INPP1: variants seen among roughly 807,000 people sequenced by gnomAD.
The protein encoded by INPP1 is inositol polyphosphate 1-phosphatase.
In INPP1, 18 loss-of-function variants were observed where a neutral mutation model predicts 23.0. The ratio of observed to expected loss-of-function variants is 0.78; its 90% CI spans 0.54 to 1.16. The LOEUF is 1.16. Among genes scored for constraint, INPP1 ranks in the 50% most tolerant of loss-of-function variants. The probability of loss-of-function intolerance (pLI) is 0.00; values close to 1 mark genes in which losing one functional copy is unlikely to be tolerated. For synonymous variants in INPP1, 164 were observed against 176.3 expected (o/e 0.93, Z 0.55); for missense variants, 448 against 482.1 (o/e 0.93, Z 0.66).
In INPP1 at chr2:190,367,610, C is replaced by T. The variant is rs1689706537; in HGVS notation, c.466+715C>T. The stretch of plus-strand genomic sequence containing the variant: ...GCACACAGGCTGGAGTGCAGTGGCA[C>T]AGTCAGAACTCACTCACTGCAGCCT... On this transcript the variant is annotated intron_variant, in intron 5 of 6. Coordinates refer to ENST00000392329, the MANE Select transcript of INPP1 (RefSeq NM_001128928.2). This position sits in a 1 kb window ranked among gnomAD's most constrained non-coding sequence, Gnocchi z 4.1. 6.6e-6 allele frequency among the ~76,000 whole-genome samples: 1 copy of T among 152,100 alleles called. No individual in the cohort carries two copies.
At position 190,354,904 on chromosome 2, in the gene INPP1, T is replaced by G. The variant is rs1340650683; in HGVS notation, c.-64-5135T>G. 1.4e-5 allele frequency among the ~76,000 whole-genome samples: 2 copies of G among 147,564 alleles called. No homozygotes were observed. Among genetic ancestry groups the G allele is most frequent in the East Asian group, 3.9e-4 (2 of 5,130 alleles). ...AATAGTGACGTATAATGATCAAACC[T>G]AGTGACAGATATCAACTAGGGGTGT... On this transcript the variant is annotated intron_variant, in intron 2 of 6. Transcript: ENST00000392329. This position sits in a 1 kb window ranked among gnomAD's most constrained non-coding sequence, Gnocchi z 4.8.
chr2:190,351,416 C>T (rs1301743394), intron 2 of INPP1, among the ~76,000 whole-genome samples: 6 of 152,142 alleles, frequency 3.9e-5, no homozygotes, highest in East Asian at 1.9e-4. Flanking sequence ...TCAACCCACT[C>T]GTGTAACCAT....
rs1194622518 is a variant in INPP1 at position 190,370,972 on chromosome 2, C to T, written c.770C>T (p.Ser257Phe). 1 of 1,614,146 alleles carries T rather than the reference C, an allele frequency of 6.2e-7. No individual in the cohort carries two copies. Among genetic ancestry groups the T allele is most frequent in the East Asian group, 2.2e-5 (1 of 44,886 alleles). The stretch of plus-strand genomic sequence containing the variant: ...AACACCGGCTCTGAGGCAGCATTCT[C>T]CCCCAGTTTTTCAGCCGTAATTAGT... ...TGNTGSEAAFSPSFSAVISTS... is the reference protein window; with the variant it reads ...TGNTGSEAAFFPSFSAVISTS... Residue 257 changes from serine to phenylalanine, a missense_variant, in exon 7 of 7, where the codon TCC becomes TTC. Coordinates refer to ENST00000392329, the MANE Select transcript of INPP1 (RefSeq NM_001128928.2).
chr2:190,351,705 A>G (rs1223678619), intron 2 of INPP1, among the ~76,000 whole-genome samples: 4 of 152,052 alleles, frequency 2.6e-5, no homozygotes, highest in Non-Finnish European at 4.4e-5. Context: ...AGTTTATTCC[A>G]TTTTACTATT....
chr2:190,350,387 A>G (rs1689303605), intron 2 of INPP1, among the ~76,000 whole-genome samples: 3 of 151,704 alleles, frequency 2.0e-5, no homozygotes, highest in Admixed American at 6.6e-5. Flanking sequence ...TGACTGTTGC[A>G]CCTGTTGTTT....
intron 4 of INPP1, among the ~76,000 whole-genome samples, chr2:190,365,580 G>A (rs1689628609): frequency 6.6e-6 from 1 of 152,154 alleles, no homozygotes; most frequent in African/African-American, 2.4e-5. Context: ...GCCCACATGG[G>A]CATTTTTCTA....
At chr2:190,366,458 GCT>G (rs535716175) in intron 4 of INPP1, among the ~76,000 whole-genome samples, 1,625 of 142,792 alleles carry the variant, frequency 0.011, 35 homozygotes, top group African/African-American at 0.039. Flanking sequence ...TCTCTGTCTT[GCT>G]CTCTCTGTCT....
intron 3 of INPP1, among the ~76,000 whole-genome samples, chr2:190,362,016 A>G (rs2067416): frequency 0.42 from 64,426 of 152,070 alleles, 16,143 homozygotes; most frequent in African/African-American, 0.7. Context: ...CAGAGATGAC[A>G]GAAGATTCTT....
Position 190,371,241 on chromosome 2 carries a change from GA to G in INPP1, c.1040del (p.Asp347ValfsTer39), listed in dbSNP as rs770789376. 3 of 1,613,200 alleles carry G rather than the reference GA, an allele frequency of 1.9e-6. No homozygotes were observed. The African/African-American group carries it at 4.0e-5, about 22-fold the overall frequency. On this transcript the variant is annotated frameshift_variant, in exon 7 of 7. Coordinates refer to ENST00000392329, the MANE Select transcript of INPP1 (RefSeq NM_001128928.2). LOFTEE classifies it low-confidence loss of function (END_TRUNC). This position sits in a 1 kb window ranked among gnomAD's most constrained non-coding sequence, Gnocchi z 5.3. Reference sequence around the variant, plus strand: ...AGAAAGAAATCCAGAAACAGGGCTTGATTTGCCACAGTTGGTGTACCACGTG... The same window carrying G: ...AGAAAGAAATCCAGAAACAGGGCTTGTTTGCCACAGTTGGTGTACCACGTG... ...CLERNPETGL[D>X]LPQLVYHVEN...
In INPP1 at chr2:190,345,708, GC is replaced by G. The variant is rs1689201944; in HGVS notation, c.-209+1748del. The G allele has an allele frequency of 6.6e-6, 1 of 152,184 alleles. No individual in the cohort carries two copies. The highest frequency in any genetic ancestry group is 1.5e-5 in the Non-Finnish European group (1 of 68,032). 9.4% of individuals were successfully genotyped at this position (152,184 alleles called of 1,614,324 possible). A position where few individuals can be genotyped will look rare whatever the true frequency, so the allele number is the denominator to read the frequency against. On this transcript the variant is annotated intron_variant, in intron 1 of 6. Transcript: ENST00000392329. This position sits in a 1 kb window ranked among gnomAD's most constrained non-coding sequence, Gnocchi z 4.9. ...TTTGGCTGAGAGCTTAGAAATAAAG[GC>G]TCTGGCTGGCGTGGTGGCTCACGCC...
chr2:190,370,394 G>A (rs907514768), intron 6 of INPP1, among the ~76,000 whole-genome samples: 19 of 152,336 alleles, frequency 1.2e-4, no homozygotes, highest in African/African-American at 4.3e-4. Context: ...GGAAGCCAAC[G>A]TGAAACTAGT....
chr2:190,354,925 G>GGGGTGTGT lies in INPP1; in HGVS notation c.-64-5113_-64-5112insGGTGTGTG, dbSNP rs147784074. 1.4e-5 allele frequency among the ~76,000 whole-genome samples: 2 copies of GGGGTGTGT among 146,564 alleles called. No individual in the cohort carries two copies. Among genetic ancestry groups the GGGGTGTGT allele is most frequent in the Admixed American group, 6.8e-5 (1 of 14,790 alleles). The stretch of plus-strand genomic sequence containing the variant: ...AACCTAGTGACAGATATCAACTAGG[G>GGGGTGTGT]GTGTGTGTGTGTGTGTGTGTGCATT... On this transcript the variant is annotated intron_variant, in intron 2 of 6. Transcript: ENST00000392329. This position sits in a 1 kb window ranked among gnomAD's most constrained non-coding sequence, Gnocchi z 4.8.
intron 2 of INPP1, among the ~76,000 whole-genome samples, chr2:190,351,480 C>T (rs1689322706): frequency 6.6e-6 from 1 of 152,228 alleles, no homozygotes; most frequent in Non-Finnish European, 1.5e-5. Flanking sequence ...ACCTTCTTCT[C>T]CAAGGACACC....
Position 190,367,795 on chromosome 2 carries a change from G to A in INPP1, c.466+900G>A, listed in dbSNP as rs1689711395. Reference sequence around the variant, plus strand: ...TTCCCAGGCTGGTCTCGAACTCCTGGGTTCAAGCGATCTGCCTGCCTTGGC... The same window carrying A: ...TTCCCAGGCTGGTCTCGAACTCCTGAGTTCAAGCGATCTGCCTGCCTTGGC... On this transcript the variant is annotated intron_variant, in intron 5 of 6. Coordinates refer to ENST00000392329, the MANE Select transcript of INPP1 (RefSeq NM_001128928.2). The surrounding 1 kb of genome is among the most constrained non-coding windows in gnomAD (Gnocchi z 4.1). Among the ~76,000 whole-genome samples the A allele has an allele frequency of 6.6e-6, 1 of 152,134 alleles. No homozygotes were observed.
intron 4 of INPP1, chr2:190,365,164 A>T (rs145018141): frequency 1.3e-4 from 22 of 169,330 alleles, no homozygotes; most frequent in African/African-American, 5.0e-4. Context: ...CAAGGGTCTA[A>T]GAAGCATGTT....
At position 190,370,878 on chromosome 2, in the gene INPP1, A is replaced by C. The variant is rs768666886; in HGVS notation, c.676A>C (p.Met226Leu). 8 of 1,613,278 alleles carry C rather than the reference A, an allele frequency of 5.0e-6. No homozygotes were observed. The African/African-American group carries it at 8.0e-5, about 16-fold the overall frequency. The change falls in exon 7 of 7, where the codon ATG becomes CTG. Residue 226 changes from methionine (M) to leucine (L), a missense_variant. Physicochemically the swap from Met to Leu is conservative, Grantham distance 15. Coordinates refer to ENST00000392329, the MANE Select transcript of INPP1 (RefSeq NM_001128928.2). Reference protein sequence around the residue: ...KGQCYWGLSYMGTNMHSLQLT... With the variant: ...KGQCYWGLSYLGTNMHSLQLT... ...ACAGTGCTATTGGGGCCTTTCTTAC[A>C]TGGGGACCAACATGCATTCACTACA...
rs147389085 is a variant in INPP1, at chr2:190,371,404, G to A, written c.*2G>A. On this transcript the variant is annotated 3_prime_UTR_variant, in exon 7 of 7. Coordinates refer to ENST00000392329, the MANE Select transcript of INPP1 (RefSeq NM_001128928.2). This position sits in a 1 kb window ranked among gnomAD's most constrained non-coding sequence, Gnocchi z 5.3. ...GCACCTGCAGAGACGCATACCTAGA[G>A]GAACTCTAACCCCGGTGTACCTGTA... 8.3e-5 allele frequency: 125 copies of A among 1,515,146 alleles called. 1 individual carries two copies. The East Asian group carries it at 2.8e-3, about 34-fold the overall frequency. The allele number at this position is 1,515,146 out of a possible 1,614,324, so 93.9% of individuals were successfully genotyped here.
intron 4 of INPP1, 88 bp downstream of exon 4, chr2:190,362,775 G>C (rs1689560918): frequency 1.3e-6 from 1 of 788,528 alleles, no homozygotes; most frequent in Admixed American, 2.7e-5. Context: ...TAAATGTTTG[G>C]AAGCCACTTA....
chr2:190,344,033 G>A (rs1689167816), intron 1 of INPP1, 72 bp downstream of exon 1: 1 of 334,118 alleles, frequency 3.0e-6, no homozygotes, highest in East Asian at 1.6e-4. Context: ...TTGGATCTGG[G>A]GCCCGGGCTG....
Sources: gnomAD v4.1 joint callset for allele counts (sites outside exome capture counted in the v4.1 genomes callset) on GRCh38, gnomAD v4.1.1 for gene constraint, Gnocchi (gnomAD v3.1) non-coding constraint, MANE v1.5 for transcripts, NCBI Gene and HGNC (gene_info 2026-07-23, HGNC 2026-07-21) for gene names.